Variants in EYA2 observed in about 807,000 individuals in gnomAD.
The protein encoded by EYA2 is protein phosphatase EYA2.
A neutral mutation model predicts 69.2 loss-of-function variants in EYA2; 31 were observed. The ratio of observed to expected loss-of-function variants is 0.45; its 90% confidence interval spans 0.34 to 0.60. EYA2 has a LOEUF of 0.60. Among genes scored for constraint, EYA2 ranks in the 20% least tolerant of loss-of-function variants. The probability of loss-of-function intolerance (pLI) is 0.02; values close to 1 mark genes in which losing one functional copy is unlikely to be tolerated. For synonymous variants in EYA2, 257 were observed against 279.4 expected (o/e 0.92, Z 0.80); for missense variants, 622 against 701.2 (o/e 0.89, Z 1.28).
chr20:47,112,515 CTA>C (rs1024359031), intron 9 of EYA2, among the ~76,000 whole-genome samples: 9 of 152,222 alleles, frequency 5.9e-5, no homozygotes, highest in Admixed American at 5.2e-4. Context: ...TTATGCAAGA[CTA>C]TATCTGATCA....
chr20:47,035,508 G>A (rs558230504), intron 5 of EYA2, among the ~76,000 whole-genome samples: 4 of 152,160 alleles, frequency 2.6e-5, no homozygotes, highest in South Asian at 2.1e-4. Flanking sequence ...ACCCCTTCCC[G>A]AAGGGGAAGA....
intron 5 of EYA2, among the ~76,000 whole-genome samples, chr20:47,043,460 G>C (rs2029887454): frequency 2.6e-5 from 4 of 152,162 alleles, no homozygotes; most frequent in Non-Finnish European, 5.9e-5. Context: ...GCTTCTCCCT[G>C]GCTGCCCGTG....
chr20:46,911,895 AC>A (rs35032626), intron 1 of EYA2, among the ~76,000 whole-genome samples: 39,214 of 152,090 alleles, frequency 0.26, 6,421 homozygotes, highest in Non-Finnish European at 0.36. Context: ...ACTGTAGTCA[AC>A]AATATGTTCT....
At chr20:47,038,932 G>C (rs552608246) in intron 5 of EYA2, among the ~76,000 whole-genome samples, 30 of 152,190 alleles carry the variant, frequency 2.0e-4, no homozygotes, top group Non-Finnish European at 4.0e-4. Flanking sequence ...AAAAAACATT[G>C]ATCTTTTTCA....
chr20:47,168,032 C>T (rs2034240420), intron 10 of EYA2, among the ~76,000 whole-genome samples: 1 of 152,094 alleles, frequency 6.6e-6, no homozygotes, highest in Admixed American at 6.5e-5. Context: ...AGGGAAGAGA[C>T]AGCACCTCTT....
At chr20:47,023,455 A>G (rs988503112) in intron 5 of EYA2, among the ~76,000 whole-genome samples, 1 of 151,938 alleles carries the variant, frequency 6.6e-6, no homozygotes, top group Non-Finnish European at 1.5e-5. Flanking sequence ...ATTTCCATCA[A>G]ATTTGGAAAT....
chr20:46,900,993 C>T (rs759563531), intron 1 of EYA2: 1 of 152,208 alleles, frequency 6.6e-6, no homozygotes, highest in Non-Finnish European at 1.5e-5. Flanking sequence ...CACTAGTTCT[C>T]GTTACCTTGG....
At chr20:47,078,329 GCGCACACACA>G (rs1346871841) in intron 7 of EYA2, among the ~76,000 whole-genome samples, 43 of 116,162 alleles carry the variant, frequency 3.7e-4, no homozygotes, top group African/African-American at 1.2e-3. Context: ...GCGCGCGCGC[GCGCACACACA>G]CACACACACA....
At chr20:46,999,035 T>G (rs1205189762) in intron 2 of EYA2, among the ~76,000 whole-genome samples, 1 of 151,984 alleles carries the variant, frequency 6.6e-6, no homozygotes, top group African/African-American at 2.4e-5. Context: ...GGGTGGAAGC[T>G]TGAAAAGGAG....
chr20:46,950,548 CCCAAACT>C (rs1978732336), intron 1 of EYA2, among the ~76,000 whole-genome samples: 2 of 152,174 alleles, frequency 1.3e-5, no homozygotes. Flanking sequence ...GGCAGGAAAG[CCCAAACT>C]CCCTTGCAGC....
rs56834738 is a variant in EYA2 at position 46,908,870 on chromosome 20, C to CTTTTTTTTTTTTTTTTTTT, written c.-11+13902_-11+13920dup. ...AAAGGCACTAAGCCTCTCTCCCGCA[C>CTTTTTTTTTTTTTTTTTTT]TTTTTTTTTTTTTTTTTTTTTTTTT... On this transcript the variant is annotated intron_variant, in intron 1 of 15. Transcript: ENST00000327619. 1.1e-4 allele frequency among the ~76,000 whole-genome samples: 5 copies of CTTTTTTTTTTTTTTTTTTT among 47,582 alleles called. 1 individual carries two copies. The highest frequency in any genetic ancestry group is 1.2e-3 in the East Asian group (1 of 806). 31.2% of individuals were successfully genotyped at this position (47,582 alleles called of 152,430 possible).
At chr20:46,942,208 T>C (rs1986183353) in intron 1 of EYA2, among the ~76,000 whole-genome samples, 1 of 151,818 alleles carries the variant, frequency 6.6e-6, no homozygotes, top group African/African-American at 2.4e-5. Flanking sequence ...TTTTATTTTA[T>C]TTTTTACTTT....
chr20:47,081,450 A>AATCATC (rs143999066), intron 7 of EYA2, among the ~76,000 whole-genome samples: 14 of 152,102 alleles, frequency 9.2e-5, no homozygotes, highest in Non-Finnish European at 1.2e-4. Flanking sequence ...CCAGTTAACA[A>AATCATC]ATCATCATCA....
intron 9 of EYA2, among the ~76,000 whole-genome samples, chr20:47,098,375 T>C (rs888945094): frequency 6.6e-6 from 1 of 152,236 alleles, no homozygotes; most frequent in African/African-American, 2.4e-5. Context: ...GTCGTGGTGT[T>C]TTATGGTTTT....
chr20:47,137,915 C>T (rs911544329), intron 9 of EYA2, among the ~76,000 whole-genome samples: 1 of 150,162 alleles, frequency 6.7e-6, no homozygotes. Context: ...CGCGTATTCT[C>T]ACTCATAGGT....
At position 47,125,170 on chromosome 20, in the gene EYA2, T is replaced by C. The variant is rs374088992; in HGVS notation, c.889-17889T>C. ...CTGGGTTCACGCCATTCTCCTGCCT[T>C]AGCCTCCCGAGTAGCTGGGACTACA... On this transcript the variant is annotated intron_variant, in intron 9 of 15. Coordinates refer to ENST00000327619, the MANE Select transcript of EYA2 (RefSeq NM_005244.5). Among the ~76,000 whole-genome samples the C allele has an allele frequency of 1.1e-4, 17 of 151,208 alleles. 1 individual carries two copies. Among genetic ancestry groups the C allele is most frequent in the Admixed American group, 3.3e-4 (5 of 15,132 alleles).
At position 47,027,185 on chromosome 20, in the gene EYA2, C is replaced by T. The variant is rs139709289; in HGVS notation, c.415+10888C>T. On this transcript the variant is annotated intron_variant, in intron 5 of 15. Transcript: ENST00000327619. Reference sequence around the variant, plus strand: ...GGTGTGGCCATAGTTGAGAGTGGAGCCCAGTGGCCTCCTCATGGTGAAATG... The same window carrying T: ...GGTGTGGCCATAGTTGAGAGTGGAGTCCAGTGGCCTCCTCATGGTGAAATG... 7.1e-3 allele frequency among the ~76,000 whole-genome samples: 1,087 copies of T among 152,340 alleles called. 54 individuals carry two copies. Among genetic ancestry groups the T allele is most frequent in the Admixed American group, 0.061 (936 of 15,300 alleles).
At chr20:47,071,949 C>T (rs899103356) in intron 5 of EYA2, 12 of 550,406 alleles carry the variant, frequency 2.2e-5, no homozygotes, top group Non-Finnish European at 3.6e-5. Flanking sequence ...CTTGGAAGCA[C>T]CCAGGAGGCC....
chr20:47,130,865 A>G (rs2033324905), intron 9 of EYA2, among the ~76,000 whole-genome samples: 1 of 152,152 alleles, frequency 6.6e-6, no homozygotes, highest in Non-Finnish European at 1.5e-5. Context: ...CAAGGTAGGC[A>G]GATCACCTGA....
Sources: gnomAD v4.1 joint callset for allele counts (sites outside exome capture counted in the v4.1 genomes callset) on GRCh38, gnomAD v4.1.1 for gene constraint, MANE v1.5 for transcripts, NCBI Gene and HGNC (gene_info 2026-07-23, HGNC 2026-07-21) for gene names.